The following ZFHX3 variants were observed in gnomAD, a reference collection of about 807,000 sequenced individuals.
ZFHX3 encodes zinc finger homeobox protein 3.
ZFHX3 carries 42 observed loss-of-function variants against 279.1 expected under a neutral mutation model. That is an observed-to-expected ratio of 0.15 (90% CI 0.12 to 0.19). The LOEUF is 0.19. ZFHX3 is among the 10% of genes least tolerant of loss of function. The probability of loss-of-function intolerance (pLI) is 1.00; values close to 1 mark genes in which losing one functional copy is unlikely to be tolerated. For synonymous variants in ZFHX3, 2,293 were observed against 1,957.8 expected, an observed-to-expected ratio of 1.17 and a Z score of -4.52; for missense variants, 4,981 against 4,754.0, an observed-to-expected ratio of 1.05 and a Z score of -1.40.
At chr16:73,125,391 G>A (rs1030500136) in intron 7 of ZFHX3, 3 of 151,956 alleles carry the variant, frequency 2.0e-5, no homozygotes, top group Non-Finnish European at 4.4e-5. Context: ...TATGGGGTAG[G>A]TACTGTGATG....
At chr16:72,919,777 C>CTTTT (rs532405250) in intron 3 of ZFHX3, among the ~76,000 whole-genome samples, 3,029 of 42,306 alleles carry the variant, frequency 0.072, 1,036 homozygotes, top group East Asian at 0.17. Flanking sequence ...TATGCACCAT[C>CTTTT]TTTTTTTTTT....
chr16:72,895,218 C>CT (rs2038870682), intron 3 of ZFHX3, among the ~76,000 whole-genome samples: 2 of 152,176 alleles, frequency 1.3e-5, no homozygotes, highest in African/African-American at 4.8e-5. Context: ...AGCAGCAACT[C>CT]TAAGAAAATA....
intron 5 of ZFHX3, among the ~76,000 whole-genome samples, chr16:73,162,188 G>C (rs553646639): frequency 1.3e-5 from 2 of 152,310 alleles, no homozygotes; most frequent in African/African-American, 4.8e-5. Context: ...GCAAAGGTTC[G>C]TCTGTATTTA....
At chr16:72,843,513 T>TACA (rs2037400017) in intron 4 of ZFHX3, among the ~76,000 whole-genome samples, 1 of 39,446 alleles carries the variant, frequency 2.5e-5, no homozygotes, top group Non-Finnish European at 5.3e-5. Flanking sequence ...AGACTCCGTC[T>TACA]AAAAAAAAAA....
intron 1 of ZFHX3, among the ~76,000 whole-genome samples, chr16:73,773,266 G>T (rs1279006735): frequency 6.6e-6 from 1 of 152,230 alleles, no homozygotes; most frequent in African/African-American, 2.4e-5. Flanking sequence ...CTAGAGGAGG[G>T]TGCCACCCCA....
chr16:73,350,333 TG>T (rs1286693708), intron 3 of ZFHX3, among the ~76,000 whole-genome samples: 1 of 152,146 alleles, frequency 6.6e-6, no homozygotes, highest in Non-Finnish European at 1.5e-5. Context: ...TGACAGGGTT[TG>T]GGATGTGAAA....
intron 2 of ZFHX3, among the ~76,000 whole-genome samples, chr16:73,584,950 A>G (rs1281708928): frequency 6.6e-6 from 1 of 152,254 alleles, no homozygotes; most frequent in African/African-American, 2.4e-5. Context: ...TCAAAAGACG[A>G]CATACATGTG....
intron 1 of ZFHX3, among the ~76,000 whole-genome samples, chr16:72,987,275 C>T (rs1962888480): frequency 6.6e-6 from 1 of 152,194 alleles, no homozygotes; most frequent in Non-Finnish European, 1.5e-5. Flanking sequence ...AATATTTTAC[C>T]TGTAATAGAC....
intron 1 of ZFHX3, chr16:73,006,006 C>T (rs1963690930): frequency 6.6e-6 from 1 of 152,186 alleles, no homozygotes; most frequent in Non-Finnish European, 1.5e-5. Context: ...TACGTTGTAA[C>T]TGAACTCCTT....
intron 2 of ZFHX3, among the ~76,000 whole-genome samples, chr16:73,558,056 CAG>C (rs1469312659): frequency 1.3e-5 from 2 of 152,174 alleles, no homozygotes; most frequent in Non-Finnish European, 2.9e-5. Context: ...GGAAATCTAG[CAG>C]AGTTAAAGGA....
chr16:72,876,008 C>T (rs779907167), intron 4 of ZFHX3, among the ~76,000 whole-genome samples: 8 of 152,176 alleles, frequency 5.3e-5, no homozygotes, highest in Admixed American at 3.9e-4. Context: ...AAAGGGAAAA[C>T]GAGCCTAAAA....
At chr16:73,299,616 C>T (rs1455616252) in intron 4 of ZFHX3, among the ~76,000 whole-genome samples, 3 of 152,206 alleles carry the variant, frequency 2.0e-5, no homozygotes, top group Non-Finnish European at 1.5e-5. Context: ...AGAGCCCATG[C>T]TGCAGACGAA....
chr16:73,004,159 C>CTT lies in ZFHX3; in HGVS notation c.-50+43591_-50+43592dup, dbSNP rs3081625. On this transcript the variant is annotated intron_variant, in intron 1 of 9. Transcript: ENST00000268489. ...CAATAATAACTACATAAAAACACGACTTTTTTTTTTTTTTTTTTTTTTTTT... is the reference window on the plus strand; with the variant it reads ...CAATAATAACTACATAAAAACACGACTTTTTTTTTTTTTTTTTTTTTTTTTTT... Among the ~76,000 whole-genome samples the CTT allele has an allele frequency of 9.0e-3, 446 of 49,356 alleles. 79 individuals carry two copies. Among genetic ancestry groups the CTT allele is most frequent in the African/African-American group, 0.04 (378 of 9,426 alleles). The allele number at this position is 49,356 out of a possible 152,430, so 32.4% of individuals were successfully genotyped here. A position where few individuals can be genotyped will look rare whatever the true frequency, so the allele number is the denominator to read the frequency against.
At chr16:73,672,990 C>G (rs1456050400) in intron 2 of ZFHX3, among the ~76,000 whole-genome samples, 1 of 152,124 alleles carries the variant, frequency 6.6e-6, no homozygotes, top group Non-Finnish European at 1.5e-5. Flanking sequence ...CTTGCAACAA[C>G]ATAAATGGAT....
At chr16:73,239,816 T>C (rs1734467197) in intron 5 of ZFHX3, among the ~76,000 whole-genome samples, 1 of 152,248 alleles carries the variant, frequency 6.6e-6, no homozygotes, top group Non-Finnish European at 1.5e-5. Context: ...TTTCTAAATT[T>C]GGAAATGCAC....
intron 1 of ZFHX3, among the ~76,000 whole-genome samples, chr16:73,750,283 T>G (rs989330990): frequency 1.3e-5 from 2 of 152,130 alleles, no homozygotes; most frequent in African/African-American, 4.8e-5. Flanking sequence ...TGAGTGGAAA[T>G]TGACAGAGTT....
chr16:73,877,887 C>T (rs1014624205), intron 1 of ZFHX3, among the ~76,000 whole-genome samples: 2 of 151,974 alleles, frequency 1.3e-5, no homozygotes, highest in African/African-American at 4.8e-5. Context: ...CAAAGTTCAA[C>T]TCCCCCCAAA....
At chr16:73,115,377 CAAAAA>C (rs10685277) in intron 7 of ZFHX3, among the ~76,000 whole-genome samples, 1 of 80,720 alleles carries the variant, frequency 1.2e-5, no homozygotes, top group Non-Finnish European at 2.2e-5. Flanking sequence ...CCTATCTCTA[CAAAAA>C]AAAAAAAAAA....
intron 3 of ZFHX3, among the ~76,000 whole-genome samples, chr16:73,329,004 C>A (rs904229543): frequency 6.6e-6 from 1 of 152,242 alleles, no homozygotes; most frequent in Non-Finnish European, 1.5e-5. Context: ...TCATTCTTTT[C>A]CTCTAGGACT....
Sources: gnomAD v4.1 joint callset for allele counts (sites outside exome capture counted in the v4.1 genomes callset) on GRCh38, gnomAD v4.1.1 for gene constraint, MANE v1.5 for transcripts, NCBI Gene and HGNC (gene_info 2026-07-23, HGNC 2026-07-21) for gene names.